ZC3H11C: variants seen among roughly 807,000 people sequenced by gnomAD.
ZC3H11C encodes the protein zinc finger CCCH domain-containing protein 11C.
At chr6:65,306,292 GA>G in the ZC3H11C span, among the ~76,000 whole-genome samples, 1 of 152,168 alleles carries the variant, frequency 6.6e-6, no homozygotes, top group Non-Finnish European at 1.5e-5. Context: ...TATGGAAAAG[GA>G]AGAAAGCCAC....
At chr6:65,302,818 A>T in the ZC3H11C span, 2 of 1,613,346 alleles carry the variant, frequency 1.2e-6, no homozygotes, top group Non-Finnish European at 8.5e-7. Flanking sequence ...CTCCGAGCAA[A>T]AGTGTGTTGC....
the ZC3H11C span, among the ~76,000 whole-genome samples, chr6:65,301,692 C>G: frequency 6.6e-6 from 1 of 152,266 alleles, no homozygotes; most frequent in Non-Finnish European, 1.5e-5. Context: ...ACTCCCACCC[C>G]TGGCCCTCAG....
At chr6:65,306,405 T>G in the ZC3H11C span, among the ~76,000 whole-genome samples, 1 of 152,190 alleles carries the variant, frequency 6.6e-6, no homozygotes, top group Admixed American at 6.5e-5. Flanking sequence ...CATCTTCAGC[T>G]GACTGAATGT....
the ZC3H11C span, among the ~76,000 whole-genome samples, chr6:65,305,263 A>G: frequency 4.6e-5 from 7 of 152,316 alleles, no homozygotes; most frequent in South Asian, 1.4e-3. Flanking sequence ...AAGCAAACTT[A>G]GTGACTCCTT....
chr6:65,301,744 T>C, the ZC3H11C span, among the ~76,000 whole-genome samples: 6 of 152,246 alleles, frequency 3.9e-5, no homozygotes, highest in Admixed American at 3.9e-4. Context: ...GTACTCCTTG[T>C]AGGATTGGTG....
At chr6:65,301,578 T>G in the ZC3H11C span, among the ~76,000 whole-genome samples, 1 of 152,192 alleles carries the variant, frequency 6.6e-6, no homozygotes, top group African/African-American at 2.4e-5. Flanking sequence ...GGGGATAGTG[T>G]CATCGGTTCG....
the ZC3H11C span, among the ~76,000 whole-genome samples, chr6:65,302,046 G>T: frequency 6.6e-6 from 1 of 152,194 alleles, no homozygotes; most frequent in African/African-American, 2.4e-5. Flanking sequence ...TATGGAAGAT[G>T]GATTTTTTTT....
the ZC3H11C span, among the ~76,000 whole-genome samples, chr6:65,302,076 A>G: frequency 2.0e-5 from 3 of 152,252 alleles, no homozygotes; most frequent in African/African-American, 7.2e-5. Context: ...TTGACTCTCA[A>G]GTTCATCTTT....
At chr6:65,305,508 G>A in the ZC3H11C span, among the ~76,000 whole-genome samples, 1 of 152,194 alleles carries the variant, frequency 6.6e-6, no homozygotes, top group Non-Finnish European at 1.5e-5. Context: ...AGCTCAGGAA[G>A]CCTGTAATGT....
At chr6:65,306,005 A>C in the ZC3H11C span, among the ~76,000 whole-genome samples, 1 of 151,966 alleles carries the variant, frequency 6.6e-6, no homozygotes, top group Non-Finnish European at 1.5e-5. Context: ...TTCTGAATTG[A>C]GTTTTCTTTT....
chr6:65,306,037 A>G, the ZC3H11C span, among the ~76,000 whole-genome samples: 220 of 152,326 alleles, frequency 1.4e-3, no homozygotes, highest in Non-Finnish European at 2.7e-3. Flanking sequence ...TTTCCTTCAT[A>G]TCACCTCAAG....
At chr6:65,302,243 GGC>G in the ZC3H11C span, among the ~76,000 whole-genome samples, 1 of 152,138 alleles carries the variant, frequency 6.6e-6, no homozygotes, top group Non-Finnish European at 1.5e-5. Context: ...AGGTTTTCTT[GGC>G]AATGTGAGGA....
chr6:65,302,269 T>G, the ZC3H11C span, among the ~76,000 whole-genome samples: 19 of 152,214 alleles, frequency 1.2e-4, 1 homozygote, highest in Non-Finnish European at 2.5e-4. Context: ...AAATTTTTTC[T>G]GCTTCATTAT....
the ZC3H11C span, chr6:65,303,465 AAACT>A: frequency 6.2e-7 from 1 of 1,606,658 alleles, no homozygotes; most frequent in Non-Finnish European, 8.5e-7. Context: ...GAAGCTCCAG[AAACT>A]AACACTGACG....
the ZC3H11C span, among the ~76,000 whole-genome samples, chr6:65,301,570 G>C: frequency 6.6e-6 from 1 of 152,180 alleles, no homozygotes; most frequent in African/African-American, 2.4e-5. Context: ...CGGGAGTCGG[G>C]GATAGTGTCA....
the ZC3H11C span, chr6:65,302,373 T>C: frequency 1.5e-6 from 1 of 684,448 alleles, no homozygotes; most frequent in East Asian, 2.7e-5. Flanking sequence ...AGCAATCAGC[T>C]AATGATTACA....
At chr6:65,304,059 A>T in the ZC3H11C span, 1 of 1,373,442 alleles carries the variant, frequency 7.3e-7, no homozygotes, top group East Asian at 2.3e-5. Context: ...CGAATCACCA[A>T]AAGAACATGG....
chr6:65,301,911 A>T, the ZC3H11C span, among the ~76,000 whole-genome samples: 13,258 of 151,626 alleles, frequency 0.087, 146 homozygotes, highest in African/African-American at 0.17. Flanking sequence ...GGATTTGGGG[A>T]TATTCCCTGC....
At chr6:65,303,235 A>G in the ZC3H11C span, 1 of 727,516 alleles carries the variant, frequency 1.4e-6, no homozygotes, top group East Asian at 2.7e-5. Flanking sequence ...GTTCTTCAGG[A>G]GTTTCCAGTC....
Sources: allele counts gnomAD v4.1 joint callset (sites outside exome capture counted in the v4.1 genomes callset), GRCh38; gene constraint gnomAD v4.1.1; transcripts MANE v1.5; gene names NCBI Gene and HGNC (gene_info 2026-07-23, HGNC 2026-07-21).